FAT3: variants seen among roughly 807,000 people sequenced by gnomAD.
FAT3 encodes FAT atypical cadherin 3.
FAT3 carries 95 observed loss-of-function variants against 310.2 expected under a neutral mutation model. The observed-to-expected ratio is 0.31, with a 90% CI of 0.26 to 0.36. The LOEUF (loss-of-function observed/expected upper bound fraction) is 0.36, where lower values mean the gene tolerates loss of function less well. Among genes scored for constraint, FAT3 ranks in the 10% least tolerant of loss-of-function variants. The pLI is 1.00. For missense variants in FAT3, 5,408 were observed against 5,715.6 expected (o/e 0.95, Z 1.74); for synonymous variants, 2,314 against 2,192.9 (o/e 1.06, Z -1.54).
chr11:92,870,973 G>A (rs6483196), intron 22 of FAT3, among the ~76,000 whole-genome samples: 114,557 of 151,998 alleles, frequency 0.75, 43,685 homozygotes, highest in Middle Eastern at 0.86. Context: ...TAGGCCAGAG[G>A]GGCTAAGTCG....
intron 1 of FAT3, among the ~76,000 whole-genome samples, chr11:92,325,074 C>A (rs2134510099): frequency 6.6e-6 from 1 of 152,328 alleles, no homozygotes; most frequent in Admixed American, 6.5e-5. Context: ...TCTCTGGAAT[C>A]TGAACATTCT....
chr11:92,227,010 C>T (rs1197714248), intron 1 of FAT3, among the ~76,000 whole-genome samples: 1 of 152,226 alleles, frequency 6.6e-6, no homozygotes, highest in Non-Finnish European at 1.5e-5. Flanking sequence ...CCAACCCGCC[C>T]CGGCCCCAGC....
At chr11:92,725,310 A>G (rs1407762680) in intron 4 of FAT3, among the ~76,000 whole-genome samples, 6 of 152,170 alleles carry the variant, frequency 3.9e-5, no homozygotes, top group East Asian at 1.9e-4. Context: ...GACATCTGAC[A>G]TGAATCACAT....
At chr11:92,804,232 T>C (rs1947441641) in intron 10 of FAT3, among the ~76,000 whole-genome samples, 1 of 152,144 alleles carries the variant, frequency 6.6e-6, no homozygotes, top group African/African-American at 2.4e-5. Flanking sequence ...GCCCAGGGTA[T>C]ATGATAAATA....
intron 3 of FAT3, among the ~76,000 whole-genome samples, chr11:92,673,395 T>A (rs1293135413): frequency 6.6e-6 from 1 of 152,176 alleles, no homozygotes; most frequent in Non-Finnish European, 1.5e-5. Context: ...ATGGGCTACA[T>A]TGTATTAGAT....
intron 3 of FAT3, among the ~76,000 whole-genome samples, chr11:92,677,206 C>T (rs1056423268): frequency 3.3e-5 from 5 of 152,184 alleles, no homozygotes; most frequent in African/African-American, 1.2e-4. Context: ...TTTGGTGCAG[C>T]CTCTCTTACC....
rs2136351455 is a variant in FAT3 at position 92,867,081 on chromosome 11, A to C, written c.11999A>C (p.Asn4000Thr). The change falls in exon 22 of 28, where the codon AAC becomes ACC. Residue 4000 changes from asparagine to threonine, a missense_variant. Around this residue, in one of 5 missense-constraint regions of FAT3, gnomAD observed 4,588 missense variants for 4,809.8 expected, o/e 0.95. Coordinates refer to ENST00000525166, the MANE Select transcript of FAT3 (RefSeq NM_001367949.2). ...AATAACAATGAGCTGCCGCTGCAGA[A>C]CAAGCGCAGCAGCTTCGCGGAGGTG... The part of the protein sequence containing the change: ...ILNNNELPLQ[N>T]KRSSFAEVVG... 1 of 1,594,528 alleles carries C rather than the reference A, an allele frequency of 6.3e-7. No individual in the cohort carries two copies. Among genetic ancestry groups the C allele is most frequent in the South Asian group, 1.1e-5 (1 of 88,074 alleles).
intron 3 of FAT3, among the ~76,000 whole-genome samples, chr11:92,557,962 A>G (rs1163248272): frequency 1.3e-5 from 2 of 152,144 alleles, no homozygotes; most frequent in Non-Finnish European, 2.9e-5. Context: ...ATATTATATG[A>G]GCCTTATTTT....
chr11:92,384,798 A>G (rs908682914), intron 2 of FAT3, among the ~76,000 whole-genome samples: 2 of 152,226 alleles, frequency 1.3e-5, no homozygotes, highest in Admixed American at 1.3e-4. Context: ...TAGAGAAATC[A>G]GTATTGGCTT....
intron 3 of FAT3, among the ~76,000 whole-genome samples, chr11:92,636,809 T>G (rs1013368487): frequency 6.6e-6 from 1 of 152,204 alleles, no homozygotes; most frequent in Admixed American, 6.5e-5. Flanking sequence ...AATCCAGCTG[T>G]GTTCTTTTCA....
intron 1 of FAT3, among the ~76,000 whole-genome samples, chr11:92,265,747 T>C (rs1286098891): frequency 6.6e-6 from 1 of 152,082 alleles, no homozygotes; most frequent in Non-Finnish European, 1.5e-5. Flanking sequence ...TGTGTTTCTA[T>C]ATGGTAGAAG....
At position 92,800,289 on chromosome 11, in the gene FAT3, T is replaced by A. The variant is rs1383675914; in HGVS notation, c.7276T>A (p.Phe2426Ile). ...AGCCTCTGATGCAGACAGCTCTGAT[T>A]TTGACCGGTTGGAATATAGCATTTT... ...VQASDADSSDFDRLEYSILSG... is the reference protein window; with the variant it reads ...VQASDADSSDIDRLEYSILSG... Residue 2426 changes from phenylalanine (F) to isoleucine (I), a missense_variant, in exon 10 of 28, where the codon TTT becomes ATT. Physicochemically the swap from Phe to Ile is conservative, Grantham distance 21. Around this residue, in one of 5 missense-constraint regions of FAT3, gnomAD observed 4,588 missense variants for 4,809.8 expected, o/e 0.95. Coordinates refer to ENST00000525166, the MANE Select transcript of FAT3 (RefSeq NM_001367949.2). 13 of 1,613,766 alleles carry A rather than the reference T, an allele frequency of 8.1e-6. No individual in the cohort carries two copies. Among genetic ancestry groups the A allele is most frequent in the Non-Finnish European group, 1.1e-5 (13 of 1,179,788 alleles).
At chr11:92,283,018 A>G (rs544941995) in intron 1 of FAT3, among the ~76,000 whole-genome samples, 45 of 152,288 alleles carry the variant, frequency 3.0e-4, no homozygotes, top group African/African-American at 1.0e-3. Context: ...TTACTTATCT[A>G]TAACCTTAAA....
intron 4 of FAT3, among the ~76,000 whole-genome samples, chr11:92,732,337 G>A (rs1945207109): frequency 6.6e-6 from 1 of 152,128 alleles, no homozygotes; most frequent in Non-Finnish European, 1.5e-5. Flanking sequence ...CAATGCTCCT[G>A]GAAGTGGGAT....
intron 4 of FAT3, among the ~76,000 whole-genome samples, chr11:92,717,723 A>G (rs796144739): frequency 3.9e-5 from 6 of 152,308 alleles, no homozygotes; most frequent in African/African-American, 1.2e-4. Context: ...TTCTACAGCT[A>G]TCTTTCAGAG....
intron 1 of FAT3, among the ~76,000 whole-genome samples, chr11:92,306,856 T>C (rs1380505765): frequency 1.4e-5 from 2 of 146,534 alleles, no homozygotes; most frequent in Non-Finnish European, 3.0e-5. Flanking sequence ...AGTGGTGTGA[T>C]CATAGCTCAC....
intron 2 of FAT3, among the ~76,000 whole-genome samples, chr11:92,361,805 C>T (rs1369614263): frequency 6.6e-6 from 1 of 152,212 alleles, no homozygotes; most frequent in Non-Finnish European, 1.5e-5. Flanking sequence ...TCTTCATAAG[C>T]TTACATTAAT....
intron 6 of FAT3, among the ~76,000 whole-genome samples, chr11:92,768,602 G>A (rs1404742672): frequency 6.6e-6 from 1 of 152,052 alleles, no homozygotes; most frequent in African/African-American, 2.4e-5. Flanking sequence ...TTTATCTTCA[G>A]CCATGGAAAC....
At chr11:92,290,325 G>A (rs1946658405) in intron 1 of FAT3, among the ~76,000 whole-genome samples, 1 of 152,004 alleles carries the variant, frequency 6.6e-6, no homozygotes, top group African/African-American at 2.4e-5. Context: ...TCAGCTTTTT[G>A]TCTGAGCCTG....
Sources: gnomAD v4.1 joint callset for allele counts (sites outside exome capture counted in the v4.1 genomes callset) on GRCh38, gnomAD v4.1.1 for gene constraint, gnomAD v4.1.1 regional missense constraint, MANE v1.5 for transcripts, NCBI Gene and HGNC (gene_info 2026-07-23, HGNC 2026-07-21) for gene names.